CASD1: variants seen among roughly 807,000 people sequenced by gnomAD.
The protein encoded by CASD1 is CAS1 domain sialic acid O acetyltransferase 1.
Under a neutral mutation model 100.0 loss-of-function variants are expected in CASD1, and 41 were observed. The ratio of observed to expected loss-of-function variants is 0.41; its 90% CI spans 0.32 to 0.53. The LOEUF (loss-of-function observed/expected upper bound fraction) is 0.53. Among genes scored for constraint, CASD1 ranks in the 20% least tolerant of loss-of-function variants. The pLI, the probability that CASD1 is intolerant of heterozygous loss-of-function variation, is 0.25. For missense variants in CASD1, 774 were observed against 948.7 expected, an observed-to-expected ratio of 0.82 and a Z score of 2.42; for synonymous variants, 321 against 315.6, an observed-to-expected ratio of 1.02 and a Z score of -0.18.
At chr7:94,606,254 C>T in the CASD1 span, among the ~76,000 whole-genome samples, 1 of 152,108 alleles carries the variant, frequency 6.6e-6, no homozygotes, top group African/African-American at 2.4e-5. Context: ...AATAGGAAGA[C>T]ACATATACAT....
chr7:94,552,409 G>A lies in CASD1; in HGVS notation c.2016G>A (p.Pro672=), dbSNP rs781650154. Residue 672 remains proline, a synonymous_variant, in exon 16 of 18, where the codon CCG becomes CCA. Coordinates refer to ENST00000297273, the MANE Select transcript of CASD1 (RefSeq NM_022900.5). ...AAGCAGAGTGCAATGAACTCCATCCGTCTGTTTCTGTGGTACAGGTACTAT... is the reference window on the plus strand; with the variant it reads ...AAGCAGAGTGCAATGAACTCCATCCATCTGTTTCTGTGGTACAGGTACTAT... ...KNKAECNELH[P]SVSVVQILAF... The A allele has an allele frequency of 1.6e-5, 26 of 1,609,020 alleles. No individual in the cohort carries two copies. Among genetic ancestry groups the A allele is most frequent in the Admixed American group, 6.8e-5 (4 of 59,036 alleles).
the CASD1 span, among the ~76,000 whole-genome samples, chr7:94,604,473 T>C: frequency 6.6e-6 from 1 of 151,590 alleles, no homozygotes; most frequent in Non-Finnish European, 1.5e-5. Context: ...AAACTCACAA[T>C]TCCCAATTTG....
At chr7:94,598,922 T>A in the CASD1 span, 1 of 1,613,980 alleles carries the variant, frequency 6.2e-7, no homozygotes, top group South Asian at 1.1e-5. Context: ...TCGAAGCTCC[T>A]TGGTAGATTT....
chr7:94,564,269 G>C, the CASD1 span, among the ~76,000 whole-genome samples: 1 of 152,160 alleles, frequency 6.6e-6, no homozygotes, highest in African/African-American at 2.4e-5. Flanking sequence ...CTACTGCTTG[G>C]TTGAGCTTGT....
chr7:94,555,862 C>A lies in CASD1; in HGVS notation c.*104C>A, dbSNP rs1388453957. ...ATATAAATGTGTATGTAAATATAAACGTTTGTGGCAAGAGGACAGTTCTGT... is the reference window on the plus strand; with the variant it reads ...ATATAAATGTGTATGTAAATATAAAAGTTTGTGGCAAGAGGACAGTTCTGT... On this transcript the variant is annotated 3_prime_UTR_variant, in exon 18 of 18. Transcript: ENST00000297273. The A allele has an allele frequency of 2.1e-5, 25 of 1,212,444 alleles. No homozygotes were observed. The highest frequency in any genetic ancestry group is 2.7e-5 in the Non-Finnish European group (24 of 874,862). The allele number at this position is 1,212,444 out of a possible 1,614,324, so 75.1% of individuals were successfully genotyped here.
intron 8 of CASD1, among the ~76,000 whole-genome samples, chr7:94,536,867 C>T (rs1454457583): frequency 6.6e-6 from 1 of 152,116 alleles, no homozygotes; most frequent in Non-Finnish European, 1.5e-5. Context: ...TTTTATTTAA[C>T]ATTAGATATC....
At chr7:94,598,611 T>A in the CASD1 span, 1 of 659,312 alleles carries the variant, frequency 1.5e-6, no homozygotes, top group East Asian at 2.7e-5. Flanking sequence ...GTAATTGTAT[T>A]GTATATTTCA....
At chr7:94,618,671 T>TA in the CASD1 span, 78 of 1,089,184 alleles carry the variant, frequency 7.2e-5, no homozygotes, top group Non-Finnish European at 1.0e-4. Context: ...AAAAATGCAA[T>TA]AGGCCATCTT....
At chr7:94,626,432 C>T in the CASD1 span, 1 of 152,124 alleles carries the variant, frequency 6.6e-6, no homozygotes, top group Admixed American at 6.6e-5. Flanking sequence ...TCTACCTAGA[C>T]TTGAGACCTG....
chr7:94,581,581 C>T, the CASD1 span, among the ~76,000 whole-genome samples: 9 of 152,102 alleles, frequency 5.9e-5, no homozygotes, highest in South Asian at 1.0e-3. Context: ...CCCATGTGTC[C>T]GTGTGTTCTC....
the CASD1 span, chr7:94,588,237 GC>G: frequency 5.8e-5 from 60 of 1,043,266 alleles, no homozygotes; most frequent in East Asian, 1.3e-3. Context: ...TTTTAAAGCG[GC>G]TTTAAAACCA....
the CASD1 span, chr7:94,588,081 C>T: frequency 1.5e-6 from 2 of 1,313,462 alleles, no homozygotes; most frequent in East Asian, 3.2e-5. Flanking sequence ...AAGTTATCTA[C>T]TCAGTATAGA....
chr7:94,561,582 G>C (rs1254817755), downstream of CASD1, among the ~76,000 whole-genome samples: 1 of 152,020 alleles, frequency 6.6e-6, no homozygotes, highest in African/African-American at 2.4e-5. Context: ...CCATCTGTCT[G>C]TGTGAGAGCA....
the CASD1 span, among the ~76,000 whole-genome samples, chr7:94,563,143 G>A: frequency 1.3e-5 from 2 of 152,156 alleles, no homozygotes; most frequent in African/African-American, 4.8e-5. Flanking sequence ...AAAGTGAGTA[G>A]TGACTAAATT....
chr7:94,559,648 C>T (rs933362985), downstream of CASD1, among the ~76,000 whole-genome samples: 12 of 152,200 alleles, frequency 7.9e-5, no homozygotes, highest in African/African-American at 2.4e-4. Flanking sequence ...GCCTCAGCTT[C>T]CCAGGTAGCT....
At chr7:94,549,488 T>A in intron 13 of CASD1, 45 bp from the exon 14 acceptor site, 1 of 1,361,962 alleles carries the variant, frequency 7.3e-7, no homozygotes, top group South Asian at 1.3e-5. Flanking sequence ...AAAGCAAATA[T>A]TGACTTGTAC....
chr7:94,543,902 A>T (rs1237612318), intron 10 of CASD1, among the ~76,000 whole-genome samples: 1 of 152,230 alleles, frequency 6.6e-6, no homozygotes, highest in Non-Finnish European at 1.5e-5. Context: ...GGACTTGGTC[A>T]TGATGAAGAC....
the CASD1 span, among the ~76,000 whole-genome samples, chr7:94,605,420 A>AAAT: frequency 1.3e-5 from 2 of 152,196 alleles, no homozygotes; most frequent in African/African-American, 4.8e-5. Flanking sequence ...AACTTGTTTA[A>AAAT]AATAATAGCA....
the CASD1 span, among the ~76,000 whole-genome samples, chr7:94,632,961 A>T: frequency 6.6e-6 from 1 of 152,070 alleles, no homozygotes; most frequent in African/African-American, 2.4e-5. Flanking sequence ...CTCACAAACC[A>T]TAAGCTTAAA....
Sources: gnomAD v4.1 joint callset for allele counts (sites outside exome capture counted in the v4.1 genomes callset) on GRCh38, gnomAD v4.1.1 for gene constraint, MANE v1.5 for transcripts, NCBI Gene and HGNC (gene_info 2026-07-23, HGNC 2026-07-21) for gene names.